The following XXYLT1 variants were observed in gnomAD, a reference collection of about 807,000 sequenced individuals.
The protein encoded by XXYLT1 is UDP-xylose:alpha-xyloside alpha-1,3-xylosyltransferase.
In XXYLT1, 20 loss-of-function variants were observed where a neutral mutation model predicts 28.9. The observed-to-expected ratio is 0.69, with a 90% confidence interval of 0.49 to 1.00. XXYLT1 has a LOEUF of 1.00. Among genes scored for constraint, XXYLT1 ranks in the 50% least tolerant of loss-of-function variants. The probability of loss-of-function intolerance (pLI) is 0.00; values close to 1 mark genes in which losing one functional copy is unlikely to be tolerated. For synonymous variants in XXYLT1, 257 were observed against 253.8 expected (o/e 1.01, Z -0.12); for missense variants, 542 against 560.1 (o/e 0.97, Z 0.33).
intron 3 of XXYLT1, among the ~76,000 whole-genome samples, chr3:195,114,987 G>A (rs999493210): frequency 5.9e-5 from 9 of 152,172 alleles, no homozygotes; most frequent in African/African-American, 9.7e-5. Flanking sequence ...TGTGAATGCC[G>A]CAGGCCCCAC....
rs62285219 is a variant in XXYLT1 at position 195,150,751 on chromosome 3, A to T, written c.785+5698T>A. 0.25 allele frequency among the ~76,000 whole-genome samples: 37,231 copies of T among 151,800 alleles called. 5,280 individuals carry two copies. Among genetic ancestry groups the T allele is most frequent in the East Asian group, 0.56 (2,895 of 5,132 alleles). On this transcript the variant is annotated intron_variant, in intron 3 of 3. Coordinates refer to ENST00000310380, the MANE Select transcript of XXYLT1 (RefSeq NM_152531.5). The surrounding 1 kb of genome is among the most constrained non-coding windows in gnomAD (Gnocchi z 4.7). ...GCCAGCTCCACAAAGTGACCATAAC[A>T]AAGGGCCACAGCCCACATACGCACA...
chr3:195,099,626 C>T (rs560798813), intron 3 of XXYLT1, among the ~76,000 whole-genome samples: 1 of 152,052 alleles, frequency 6.6e-6, no homozygotes, highest in East Asian at 1.9e-4. Context: ...GTCAGAAGAT[C>T]AAGACCATCC....
intron 3 of XXYLT1, among the ~76,000 whole-genome samples, chr3:195,128,051 G>A (rs1208660617): frequency 6.6e-6 from 1 of 152,120 alleles, no homozygotes; most frequent in African/African-American, 2.4e-5. Context: ...GGCATGCCAG[G>A]AGCCCAGGGC....
chr3:195,119,091 C>A (rs1718199639), intron 3 of XXYLT1, among the ~76,000 whole-genome samples: 1 of 151,266 alleles, frequency 6.6e-6, no homozygotes, highest in African/African-American at 2.4e-5. Flanking sequence ...GCCTGGCCAG[C>A]ATGGTGAAAC....
At chr3:195,122,198 CCTAATCA>C (rs1316833372) in intron 3 of XXYLT1, 1 of 702,778 alleles carries the variant, frequency 1.4e-6, no homozygotes, top group East Asian at 2.7e-5. Context: ...TTCATGATGA[CCTAATCA>C]CTCTCCAAAG....
chr3:195,242,138 G>A (rs1260425707), intron 1 of XXYLT1, among the ~76,000 whole-genome samples: 2 of 152,144 alleles, frequency 1.3e-5, no homozygotes, highest in African/African-American at 2.4e-5. Context: ...AGGGGCGATG[G>A]GACAACTGTT....
At chr3:195,163,207 G>C (rs141659940) in intron 2 of XXYLT1, among the ~76,000 whole-genome samples, 27 of 152,204 alleles carry the variant, frequency 1.8e-4, no homozygotes, top group African/African-American at 6.5e-4. Context: ...AGATACCACT[G>C]GTTGCCCAAA....
At position 195,197,097 on chromosome 3, in the gene XXYLT1, A is replaced by C. The variant is rs114977625; in HGVS notation, c.652+29612T>G. ...TCATGGCTCAATTAGCTTGTAACTT[A>C]AAACAATAGCAGCTAGTCTCCATTT... On this transcript the variant is annotated intron_variant, in intron 2 of 3. Transcript: ENST00000310380. Among the ~76,000 whole-genome samples the C allele has an allele frequency of 2.9e-3, 445 of 152,340 alleles. 2 individuals carry two copies. The highest frequency in any genetic ancestry group is 0.01 in the African/African-American group (423 of 41,580).
At chr3:195,182,547 T>C (rs1722002799) in intron 2 of XXYLT1, among the ~76,000 whole-genome samples, 1 of 152,166 alleles carries the variant, frequency 6.6e-6, no homozygotes, top group South Asian at 2.1e-4. Context: ...AGTGTGTTAC[T>C]CATGCTGCCA....
chr3:195,147,367 C>T (rs1462446013), intron 3 of XXYLT1, among the ~76,000 whole-genome samples: 1 of 152,054 alleles, frequency 6.6e-6, no homozygotes, highest in Admixed American at 6.5e-5. Flanking sequence ...GTCAGGAGTT[C>T]GAGACCAGCC....
rs532066192 is a variant in XXYLT1 at position 195,099,647 on chromosome 3, G to A, written c.786-29536C>T. Among the ~76,000 whole-genome samples, 27 of 152,104 alleles carry A rather than the reference G, an allele frequency of 1.8e-4. No individual in the cohort carries two copies. The South Asian group carries it at 5.6e-3, about 32-fold the overall frequency. On this transcript the variant is annotated intron_variant, in intron 3 of 3. Coordinates refer to ENST00000310380, the MANE Select transcript of XXYLT1 (RefSeq NM_152531.5). ...AGATCAAGACCATCCTGGTTAACAC[G>A]TTGAAACCCCGTCTCTACTAAAAAT...
chr3:195,259,482 A>C (rs1725602082), intron 1 of XXYLT1: 2 of 694,646 alleles, frequency 2.9e-6, no homozygotes, highest in Middle Eastern at 7.1e-4. Flanking sequence ...GCTGTGAGGA[A>C]GGGCAGCAGG....
At chr3:195,197,727 T>A (rs1488650040) in intron 2 of XXYLT1, among the ~76,000 whole-genome samples, 1 of 152,250 alleles carries the variant, frequency 6.6e-6, no homozygotes, top group Non-Finnish European at 1.5e-5. Flanking sequence ...AGCTGCTTGT[T>A]CAAGTCACCA....
intron 3 of XXYLT1, among the ~76,000 whole-genome samples, chr3:195,103,416 G>GCCAGCGGCCTGCGTCCATCACCTCACA (rs1716913428): frequency 9.4e-6 from 1 of 106,288 alleles, no homozygotes; most frequent in African/African-American, 4.2e-5. Context: ...ATCACCCCAC[G>GCCAGCGGCCTGCGTCCATCACCTCACA]CCAGCGGCCT....
rs578139478 is a variant in XXYLT1 at position 195,168,549 on chromosome 3, C to T, written c.653-11968G>A. 6.6e-6 allele frequency among the ~76,000 whole-genome samples: 1 copy of T among 152,308 alleles called. No homozygotes were observed. Among genetic ancestry groups the T allele is most frequent in the South Asian group, 2.1e-4 (1 of 4,826 alleles). ...GGTCCTGAGGGCAGCAGCCCTGCTC[C>T]CCAGTCACCCAGCAAGCATGGGCAG... On this transcript the variant is annotated intron_variant, in intron 2 of 3. Coordinates refer to ENST00000310380, the MANE Select transcript of XXYLT1 (RefSeq NM_152531.5). The surrounding 1 kb of genome is among the most constrained non-coding windows in gnomAD (Gnocchi z 4.3).
chr3:195,222,123 G>A (rs993948032), intron 2 of XXYLT1, among the ~76,000 whole-genome samples: 5 of 152,202 alleles, frequency 3.3e-5, no homozygotes, highest in Admixed American at 2.0e-4. Context: ...GCGACATGGG[G>A]CCCAGAAGAC....
Position 195,270,722 on chromosome 3 carries a change from C to A in XXYLT1, c.337G>T (p.Ala113Ser). 1 of 1,590,038 alleles carries A rather than the reference C, an allele frequency of 6.3e-7. No individual in the cohort carries two copies. Residue 113 changes from alanine to serine, a missense_variant, in exon 1 of 4, where the codon GCG (alanine) becomes TCG (serine). Ala to Ser is a moderately conservative substitution (Grantham distance 99, BLOSUM62 1). Coordinates refer to ENST00000310380, the MANE Select transcript of XXYLT1 (RefSeq NM_152531.5). ...GCGACGCGGGCCTTGGCCTGCAGCG[C>A]GGCATTGTGCTCCGCCTTGGTGAAC... Reference protein sequence around the residue: ...MMFTKAEHNAALQAKARVALR... With the variant: ...MMFTKAEHNASLQAKARVALR...
At chr3:195,221,155 A>G (rs1723806755) in intron 2 of XXYLT1, among the ~76,000 whole-genome samples, 1 of 152,212 alleles carries the variant, frequency 6.6e-6, no homozygotes, top group South Asian at 2.1e-4. Flanking sequence ...GAAACACTCT[A>G]TAAAACAGCT....
intron 3 of XXYLT1, among the ~76,000 whole-genome samples, chr3:195,102,737 G>C (rs997183401): frequency 6.6e-6 from 1 of 152,044 alleles, no homozygotes; most frequent in Non-Finnish European, 1.5e-5. Context: ...GGTTCTTTCC[G>C]TATCTTGGCT....
Sources: gnomAD v4.1 joint callset for allele counts (sites outside exome capture counted in the v4.1 genomes callset) on GRCh38, gnomAD v4.1.1 for gene constraint, Gnocchi (gnomAD v3.1) non-coding constraint, MANE v1.5 for transcripts, NCBI Gene and HGNC (gene_info 2026-07-23, HGNC 2026-07-21) for gene names.